Variants in PDE1C observed in about 807,000 individuals in gnomAD.
PDE1C encodes phosphodiesterase 1C.
A neutral mutation model predicts 93.1 loss-of-function variants in PDE1C; 62 were observed. The observed-to-expected ratio is 0.67, with a 90% CI of 0.54 to 0.82. The LOEUF is 0.82. Ranked by LOEUF, PDE1C falls within the 40% of genes least tolerant of loss-of-function variation. The pLI, the probability that PDE1C is intolerant of heterozygous loss-of-function variation, is 0.00. For missense variants in PDE1C, 742 were observed against 884.6 expected (o/e 0.84, Z 2.04); for synonymous variants, 325 against 310.1 (o/e 1.05, Z -0.50).
At chr7:31,696,382 C>T in the PDE1C span, among the ~76,000 whole-genome samples, 4 of 152,066 alleles carry the variant, frequency 2.6e-5, no homozygotes, top group Admixed American at 2.6e-4. Context: ...TAAGAAGTGA[C>T]ATCATAAGGG....
chr7:32,338,925 C>A lies in PDE1C; in HGVS notation c.310+88897G>T, dbSNP rs191020906. 3.8e-3 allele frequency among the ~76,000 whole-genome samples: 571 copies of A among 151,828 alleles called. 7 individuals carry two copies. Among genetic ancestry groups the A allele is most frequent in the African/African-American group, 0.013 (544 of 41,356 alleles). On this transcript the variant is annotated intron_variant, in intron 1 of 1. Coordinates refer to the PDE1C transcript ENST00000672256. ...GGCTGAGGCAGGAGAATGGCATGAACCTGGGAGGTGGAGCTTGCAGTGACC... is the reference window on the plus strand; with the variant it reads ...GGCTGAGGCAGGAGAATGGCATGAAACTGGGAGGTGGAGCTTGCAGTGACC...
chr7:31,869,933 T>C (rs1435727413), intron 6 of PDE1C, among the ~76,000 whole-genome samples: 3 of 151,716 alleles, frequency 2.0e-5, no homozygotes, highest in Admixed American at 6.6e-5. Context: ...CACAGTAAAA[T>C]AAAACTAGAA....
chr7:32,263,114 C>T (rs1810331993), intron 1 of PDE1C, among the ~76,000 whole-genome samples: 1 of 152,212 alleles, frequency 6.6e-6, no homozygotes, highest in Admixed American at 6.5e-5. Context: ...ATGACCATCA[C>T]CCCAACATCC....
chr7:32,392,404 A>G (rs112185367), intron 1 of PDE1C, among the ~76,000 whole-genome samples: 14 of 152,300 alleles, frequency 9.2e-5, no homozygotes, highest in African/African-American at 3.4e-4. Context: ...TTCTTCCAGA[A>G]AACAGAATAT....
chr7:32,033,020 T>C (rs761167628), intron 2 of PDE1C, among the ~76,000 whole-genome samples: 3 of 152,010 alleles, frequency 2.0e-5, no homozygotes, highest in Non-Finnish European at 2.9e-5. Context: ...AACACAATAA[T>C]TCAGAAGGTG....
chr7:32,166,566 A>G (rs906233065), intron 3 of PDE1C, among the ~76,000 whole-genome samples: 18 of 152,248 alleles, frequency 1.2e-4, no homozygotes, highest in Non-Finnish European at 1.5e-5. Flanking sequence ...GACCATATCC[A>G]GAGTTGAGAT....
chr7:31,841,751 T>C (rs1238922042), intron 9 of PDE1C, among the ~76,000 whole-genome samples: 1 of 151,856 alleles, frequency 6.6e-6, no homozygotes, highest in Non-Finnish European at 1.5e-5. Flanking sequence ...ACCAATAGGA[T>C]AGAAAGAGAT....
intron 3 of PDE1C, among the ~76,000 whole-genome samples, chr7:32,166,289 A>G (rs996640223): frequency 6.6e-6 from 1 of 152,210 alleles, no homozygotes; most frequent in Non-Finnish European, 1.5e-5. Context: ...CAGTACAACC[A>G]CTATCAGAAG....
chr7:32,378,004 G>C (rs1054372545), intron 1 of PDE1C, among the ~76,000 whole-genome samples: 1 of 152,218 alleles, frequency 6.6e-6, no homozygotes, highest in Admixed American at 6.5e-5. Context: ...ATTTCTGGAA[G>C]GGAGGAGGAG....
chr7:31,830,582 A>G (rs1790255071), intron 11 of PDE1C, among the ~76,000 whole-genome samples: 1 of 152,208 alleles, frequency 6.6e-6, no homozygotes, highest in African/African-American at 2.4e-5. Context: ...TCAGACATTC[A>G]TGACAGACAA....
intron 17 of PDE1C, among the ~76,000 whole-genome samples, chr7:31,774,935 T>C (rs1249162966): frequency 1.3e-5 from 2 of 152,232 alleles, no homozygotes; most frequent in Non-Finnish European, 2.9e-5. Context: ...TTATAATCTT[T>C]CCTTGCCCCA....
rs143340385 is a variant in PDE1C at position 31,837,871 on chromosome 7, C to T, written c.1081G>A (p.Ala361Thr). The T allele has an allele frequency of 2.4e-5, 39 of 1,608,734 alleles. No homozygotes were observed. Among genetic ancestry groups the T allele is most frequent in the Non-Finnish European group, 3.1e-5 (37 of 1,175,272 alleles). The change falls in exon 10 of 18, where the codon GCC (alanine) becomes ACC (threonine). Residue 361 changes from alanine (A) to threonine (T), a missense_variant and splice_region_variant. This residue lies in a region of PDE1C where 454 missense variants were observed against 459.4 expected (regional missense o/e 0.99). Coordinates refer to ENST00000396191, the MANE Select transcript of PDE1C (RefSeq NM_001191057.4). The stretch of plus-strand genomic sequence containing the variant: ...AACACAAGCCACAAGCACACTTACG[C>T]TTCTGGCTGCTGCAGAGCAGTCTTC... Reference protein sequence around the residue: ...AMKTALQQPEAIEKPKALSLM... With the variant: ...AMKTALQQPETIEKPKALSLM...
intron 3 of PDE1C, among the ~76,000 whole-genome samples, chr7:32,163,662 C>T (rs1395847933): frequency 6.6e-6 from 1 of 152,158 alleles, no homozygotes; most frequent in Admixed American, 6.5e-5. Flanking sequence ...AACCTGGCAA[C>T]TCAACCTGTG....
At chr7:32,160,323 G>T (rs1202557504) in intron 3 of PDE1C, among the ~76,000 whole-genome samples, 1 of 152,162 alleles carries the variant, frequency 6.6e-6, no homozygotes, top group African/African-American at 2.4e-5. Context: ...TAAAGTGGGG[G>T]CTCCAGAGGA....
chr7:32,344,655 C>T (rs1783817829), intron 1 of PDE1C, among the ~76,000 whole-genome samples: 1 of 152,128 alleles, frequency 6.6e-6, no homozygotes, highest in Non-Finnish European at 1.5e-5. Flanking sequence ...TGAAACATCT[C>T]CAGCATCCCC....
intron 3 of PDE1C, among the ~76,000 whole-genome samples, chr7:32,082,743 C>A (rs188633266): frequency 5.3e-4 from 80 of 152,310 alleles, no homozygotes; most frequent in African/African-American, 1.8e-3. Context: ...AGGCAAACAG[C>A]GTCTGAAGTG....
intron 1 of PDE1C, among the ~76,000 whole-genome samples, chr7:32,214,685 T>C (rs1186599798): frequency 6.6e-6 from 1 of 152,150 alleles, no homozygotes; most frequent in African/African-American, 2.4e-5. Flanking sequence ...GCGAGGTATA[T>C]CTCTGCTTTA....
the PDE1C span, among the ~76,000 whole-genome samples, chr7:31,684,424 T>A: frequency 3.3e-5 from 5 of 152,220 alleles, no homozygotes; most frequent in East Asian, 3.8e-4. Flanking sequence ...AATTGGACTT[T>A]ATAAAAATTT....
chr7:32,303,335 G>C (rs1812922003), upstream of PDE1C, among the ~76,000 whole-genome samples: 2 of 152,164 alleles, frequency 1.3e-5, no homozygotes, highest in South Asian at 4.1e-4. Flanking sequence ...GAGAAAAGAA[G>C]GAATTAAACT....
Sources: allele counts gnomAD v4.1 joint callset (sites outside exome capture counted in the v4.1 genomes callset), GRCh38; gene constraint gnomAD v4.1.1; regional missense constraint gnomAD v4.1.1; transcripts MANE v1.5; gene names NCBI Gene and HGNC (gene_info 2026-07-23, HGNC 2026-07-21).